ITGB6: variants seen among roughly 807,000 people sequenced by gnomAD.
The protein encoded by ITGB6 is integrin subunit beta 6.
Under a neutral mutation model 84.5 loss-of-function variants are expected in ITGB6, and 80 were observed. The ratio of observed to expected loss-of-function variants is 0.95; its 90% CI spans 0.79 to 1.14. The LOEUF (loss-of-function observed/expected upper bound fraction) is 1.14. Ranked by LOEUF, ITGB6 falls within the 50% of genes most tolerant of loss-of-function variation. ITGB6 has a pLI of 0.00. For missense variants in ITGB6, 1,006 were observed against 968.0 expected (o/e 1.04, Z -0.52); for synonymous variants, 383 against 354.9 (o/e 1.08, Z -0.89).
chr2:160,156,471 C>T (rs1202188375), intron 7 of ITGB6, among the ~76,000 whole-genome samples: 4 of 152,162 alleles, frequency 2.6e-5, no homozygotes, highest in Non-Finnish European at 5.9e-5. Flanking sequence ...GTTATAGCCT[C>T]GGGATAGTGG....
chr2:160,168,137 C>A (rs535743053), intron 7 of ITGB6, among the ~76,000 whole-genome samples: 3 of 152,202 alleles, frequency 2.0e-5, no homozygotes, highest in African/African-American at 4.8e-5. Context: ...TTGCAAGGAA[C>A]TTCCTTGGTT....
intron 7 of ITGB6, among the ~76,000 whole-genome samples, chr2:160,148,948 G>A (rs1279448853): frequency 6.6e-6 from 1 of 152,254 alleles, no homozygotes; most frequent in Admixed American, 6.5e-5. Context: ...CAGCCAGGAA[G>A]CTCAAATTGG....
chr2:160,141,839 T>C (rs926052354), intron 8 of ITGB6, 143 bp downstream of exon 8: 1 of 540,994 alleles, frequency 1.8e-6, no homozygotes, highest in African/African-American at 2.0e-5. Context: ...AAAATTTATA[T>C]TTTGGCTGCA....
chr2:160,167,214 A>G (rs1685027271), intron 7 of ITGB6, among the ~76,000 whole-genome samples: 1 of 152,176 alleles, frequency 6.6e-6, no homozygotes, highest in African/African-American at 2.4e-5. Context: ...TCCTTCTAAA[A>G]GATGTGAATT....
intron 7 of ITGB6, among the ~76,000 whole-genome samples, chr2:160,163,799 T>A (rs935106570): frequency 6.6e-6 from 1 of 152,210 alleles, no homozygotes; most frequent in Admixed American, 6.5e-5. Context: ...TCTTGGCTCT[T>A]ACATGCAATT....
chr2:160,199,044 C>T (rs535594869), intron 2 of ITGB6, 135 bp downstream of exon 2: 2 of 641,188 alleles, frequency 3.1e-6, no homozygotes, highest in Admixed American at 4.7e-5. Context: ...CAATGCTCAC[C>T]TTCTCCTTTC....
At chr2:160,181,384 C>T (rs931115992) in intron 4 of ITGB6, among the ~76,000 whole-genome samples, 4 of 152,174 alleles carry the variant, frequency 2.6e-5, no homozygotes, top group Non-Finnish European at 4.4e-5. Flanking sequence ...AGTTCGAATT[C>T]GGCAGAGCTC....
chr2:160,135,391 A>G (rs544079160), intron 10 of ITGB6, among the ~76,000 whole-genome samples: 4 of 150,186 alleles, frequency 2.7e-5, no homozygotes, highest in African/African-American at 4.9e-5. Flanking sequence ...CCACTGCTCA[A>G]TGAAATAAAA....
At chr2:160,157,748 C>CA (rs11364475) in intron 7 of ITGB6, among the ~76,000 whole-genome samples, 5,218 of 83,932 alleles carry the variant, frequency 0.062, 251 homozygotes, top group Middle Eastern at 0.17. Context: ...AGCACAGAGG[C>CA]AAAAAAAAAA....
intron 10 of ITGB6, among the ~76,000 whole-genome samples, chr2:160,136,142 T>C (rs1333232576): frequency 3.3e-5 from 5 of 152,128 alleles, no homozygotes; most frequent in East Asian, 1.9e-4. Flanking sequence ...AGAAAATTTT[T>C]GCAATCTACT....
intron 10 of ITGB6, among the ~76,000 whole-genome samples, chr2:160,134,774 C>G (rs1683634440): frequency 6.6e-6 from 1 of 152,192 alleles, no homozygotes; most frequent in African/African-American, 2.4e-5. Flanking sequence ...TAAACGTAAT[C>G]TAGCATATAA....
intron 4 of ITGB6, among the ~76,000 whole-genome samples, chr2:160,181,158 A>AG (rs560593843): frequency 1.1e-3 from 164 of 152,170 alleles, no homozygotes; most frequent in Admixed American, 2.7e-3. Flanking sequence ...TCCCCTGAAA[A>AG]GGGGGCTGAA....
At chr2:160,198,893 G>A (rs923055924) in intron 2 of ITGB6, among the ~76,000 whole-genome samples, 1 of 152,112 alleles carries the variant, frequency 6.6e-6, no homozygotes, top group African/African-American at 2.4e-5. Context: ...CATGTAACCT[G>A]TAGAAATGGC....
intron 4 of ITGB6, among the ~76,000 whole-genome samples, chr2:160,187,080 C>G (rs1022578343): frequency 1.3e-5 from 2 of 151,916 alleles, no homozygotes; most frequent in East Asian, 1.9e-4. Flanking sequence ...CAAACCTGTA[C>G]GTTCTGCAAA....
chr2:160,184,987 A>G (rs1036116336), intron 4 of ITGB6, among the ~76,000 whole-genome samples: 1 of 152,218 alleles, frequency 6.6e-6, no homozygotes, highest in African/African-American at 2.4e-5. Flanking sequence ...TCTCAAAATA[A>G]TAAGAGCTGT....
chr2:160,112,238 T>C, intron 12 of ITGB6, 39 bp from the exon 13 acceptor site: 5 of 1,560,022 alleles, frequency 3.2e-6, no homozygotes, highest in Non-Finnish European at 4.4e-6. Flanking sequence ...TAAACAAGAT[T>C]CCAAAAGAGA....
intron 7 of ITGB6, among the ~76,000 whole-genome samples, chr2:160,155,304 CAGTAAGAGAGGG>C (rs1684583821): frequency 6.6e-6 from 1 of 151,950 alleles, no homozygotes; most frequent in Non-Finnish European, 1.5e-5. Flanking sequence ...GGTTGGGGGC[CAGTAAGAGAGGG>C]AGGAATAGGC....
chr2:160,117,258 T>C (rs569692842), intron 12 of ITGB6, among the ~76,000 whole-genome samples: 1 of 152,280 alleles, frequency 6.6e-6, no homozygotes, highest in African/African-American at 2.4e-5. Flanking sequence ...AACCACATAG[T>C]TGGAAGTAAA....
rs1325747148 is a variant in ITGB6, at chr2:160,100,205, AG to A, written c.*1530del. ...ATCTTGTAGAATTGAAGAAACTTAT[AG>A]ATTTTGCTGTGACAATTCAATGGAC... is the stretch of plus-strand genomic sequence containing the variant. On this transcript the variant is annotated 3_prime_UTR_variant, in exon 15 of 15. Coordinates refer to ENST00000283249, the MANE Select transcript of ITGB6 (RefSeq NM_000888.5). The A allele has an allele frequency of 1.3e-5, 2 of 152,206 alleles. No individual in the cohort carries two copies. Among genetic ancestry groups the A allele is most frequent in the Non-Finnish European group, 2.9e-5 (2 of 68,032 alleles). The allele number at this position is 152,206 out of a possible 1,614,324, so 9.4% of individuals were successfully genotyped here.
Sources: gnomAD v4.1 joint callset for allele counts (sites outside exome capture counted in the v4.1 genomes callset) on GRCh38, gnomAD v4.1.1 for gene constraint, MANE v1.5 for transcripts, NCBI Gene and HGNC (gene_info 2026-07-23, HGNC 2026-07-21) for gene names.